SHLD1: variants seen among roughly 807,000 people sequenced by gnomAD.
SHLD1 encodes the protein shieldin complex subunit 1, also known as RINN1-REV7-interacting novel NHEJ regulator 3.
In SHLD1, 3 loss-of-function variants were observed where a neutral mutation model predicts 5.5. The ratio of observed to expected loss-of-function variants is 0.54; its 90% confidence interval spans 0.25 to 1.40. The LOEUF is 1.40. Among genes scored for constraint, SHLD1 ranks in the 40% most tolerant of loss-of-function variants. SHLD1 has a pLI of 0.15. For missense variants in SHLD1, 210 were observed against 244.4 expected (o/e 0.86, Z 0.94); for synonymous variants, 92 against 94.3 (o/e 0.98, Z 0.14).
chr20:5,784,540 T>C (rs2087031235), intron 2 of SHLD1, among the ~76,000 whole-genome samples: 1 of 152,206 alleles, frequency 6.6e-6, no homozygotes, highest in East Asian at 1.9e-4. Context: ...AAGCTCCGCC[T>C]CCCGGGTTCA....
chr20:5,838,420 A>G (rs951524835), intron 2 of SHLD1, among the ~76,000 whole-genome samples: 1 of 152,224 alleles, frequency 6.6e-6, no homozygotes, highest in Non-Finnish European at 1.5e-5. Flanking sequence ...TTTAAAAGCT[A>G]TGAGTATATA....
chr20:5,781,004 T>C lies in SHLD1; in HGVS notation c.178+7961T>C, dbSNP rs1483318140. On this transcript the variant is annotated intron_variant, in intron 2 of 2. Coordinates refer to ENST00000303142, the MANE Select transcript of SHLD1 (RefSeq NM_152504.4). ...TGGGCTGATAAGAATCTGAGAGTGT[T>C]AGAAAAACCTCAAAAGCCTTAGTCA... 5.9e-5 allele frequency among the ~76,000 whole-genome samples: 9 copies of C among 152,144 alleles called. No homozygotes were observed. The East Asian group carries it at 1.3e-3, about 23-fold the overall frequency.
chr20:5,790,008 G>T (rs1316649660), intron 2 of SHLD1, among the ~76,000 whole-genome samples: 1 of 152,212 alleles, frequency 6.6e-6, no homozygotes. Flanking sequence ...CAGAGGGCCT[G>T]GGACTTCCTT....
At chr20:5,814,522 T>C (rs1939427448) in intron 2 of SHLD1, among the ~76,000 whole-genome samples, 2 of 152,184 alleles carry the variant, frequency 1.3e-5, no homozygotes, top group African/African-American at 4.8e-5. Context: ...TTAATTCTTT[T>C]ACATAATTCC....
intron 2 of SHLD1, among the ~76,000 whole-genome samples, chr20:5,850,726 G>A (rs1173612292): frequency 1.3e-5 from 2 of 152,168 alleles, no homozygotes; most frequent in African/African-American, 4.8e-5. Context: ...TGGCCAGACT[G>A]GTCTCTAACT....
chr20:5,812,718 C>G (rs2087475977), intron 2 of SHLD1, among the ~76,000 whole-genome samples: 1 of 152,152 alleles, frequency 6.6e-6, no homozygotes, highest in African/African-American at 2.4e-5. Flanking sequence ...ACCCTGATGG[C>G]TAGCTTCTTT....
At position 5,782,061 on chromosome 20, in the gene SHLD1, T is replaced by C. The variant is rs536908309; in HGVS notation, c.178+9018T>C. On this transcript the variant is annotated intron_variant, in intron 2 of 2. Coordinates refer to ENST00000303142, the MANE Select transcript of SHLD1 (RefSeq NM_152504.4). ...TAATGTCTTAGCTGCATTGTTCCCC[T>C]CTCTGGAATGTGCCCCCTCCTCCCT... 1.4e-4 allele frequency among the ~76,000 whole-genome samples: 21 copies of C among 152,242 alleles called. No homozygotes were observed. The South Asian group carries it at 4.2e-3, about 30-fold the overall frequency.
intron 2 of SHLD1, among the ~76,000 whole-genome samples, chr20:5,785,680 C>T (rs2087049509): frequency 6.6e-6 from 1 of 151,410 alleles, no homozygotes; most frequent in Non-Finnish European, 1.5e-5. Context: ...CCTGTAGTCT[C>T]AGCTACTCGG....
intron 1 of SHLD1, among the ~76,000 whole-genome samples, chr20:5,757,094 A>G (rs147180257): frequency 0.013 from 1,540 of 114,318 alleles, 36 homozygotes; most frequent in African/African-American, 0.052. Flanking sequence ...TTTTTTTGAG[A>G]CAGAGTTGCT....
At chr20:5,769,439 C>A (rs1438867797) in intron 1 of SHLD1, among the ~76,000 whole-genome samples, 1 of 152,230 alleles carries the variant, frequency 6.6e-6, no homozygotes, top group East Asian at 1.9e-4. Flanking sequence ...TCCTGCCTTA[C>A]CCTTGAGGTG....
At chr20:5,824,656 T>C (rs2087646036) in intron 2 of SHLD1, among the ~76,000 whole-genome samples, 1 of 150,268 alleles carries the variant, frequency 6.7e-6, no homozygotes, top group Non-Finnish European at 1.5e-5. Context: ...CAAACCTGGC[T>C]CCCAACCTCA....
At chr20:5,852,701 C>T (rs2088027519) in intron 2 of SHLD1, among the ~76,000 whole-genome samples, 1 of 152,204 alleles carries the variant, frequency 6.6e-6, no homozygotes. Context: ...CCGCCTGCCT[C>T]AGCCTCCCAA....
intron 2 of SHLD1, among the ~76,000 whole-genome samples, chr20:5,854,554 GCTATGAGTGGGA>G (rs1271768017): frequency 1.3e-5 from 2 of 152,214 alleles, no homozygotes; most frequent in Non-Finnish European, 2.9e-5. Flanking sequence ...AGGCAATCAA[GCTATGAGTGGGA>G]CTTTAGATAT....
chr20:5,770,267 C>T (rs999648680), intron 1 of SHLD1, among the ~76,000 whole-genome samples: 11 of 152,100 alleles, frequency 7.2e-5, no homozygotes, highest in African/African-American at 1.2e-4. Flanking sequence ...AGTGTTGCTG[C>T]GAAGTTGTAG....
At chr20:5,842,611 C>T (rs1245294101) in intron 2 of SHLD1, among the ~76,000 whole-genome samples, 3 of 152,164 alleles carry the variant, frequency 2.0e-5, no homozygotes, top group African/African-American at 7.2e-5. Flanking sequence ...TCTCTGTTAG[C>T]TCTTTCTGAA....
At chr20:5,787,488 C>G (rs908011587) in intron 2 of SHLD1, among the ~76,000 whole-genome samples, 1 of 152,184 alleles carries the variant, frequency 6.6e-6, no homozygotes, top group Admixed American at 6.5e-5. Flanking sequence ...TACAAAAACC[C>G]AGCTTATTAG....
At chr20:5,844,882 C>A (rs1268513004) in intron 2 of SHLD1, among the ~76,000 whole-genome samples, 1 of 149,852 alleles carries the variant, frequency 6.7e-6, no homozygotes, top group African/African-American at 2.5e-5. Flanking sequence ...GCAACCTCCG[C>A]CTCCTGGGTT....
intron 2 of SHLD1, among the ~76,000 whole-genome samples, chr20:5,779,705 G>A (rs945168464): frequency 1.3e-5 from 2 of 152,110 alleles, no homozygotes; most frequent in Non-Finnish European, 2.9e-5. Context: ...CCAGTTGGAG[G>A]GTCATTCAGG....
chr20:5,856,925 A>G (rs917982503), intron 2 of SHLD1, among the ~76,000 whole-genome samples: 2 of 152,108 alleles, frequency 1.3e-5, no homozygotes, highest in Non-Finnish European at 2.9e-5. Context: ...TTATGTTCCC[A>G]TTTGCAATTT....
Sources: allele counts gnomAD v4.1 joint callset (sites outside exome capture counted in the v4.1 genomes callset), GRCh38; gene constraint gnomAD v4.1.1; transcripts MANE v1.5; gene names NCBI Gene and HGNC (gene_info 2026-07-23, HGNC 2026-07-21).